The following PRH1 variants were observed in gnomAD, a reference collection of about 807,000 sequenced individuals.
PRH1 encodes the protein proline rich protein HaeIII subfamily 1, also known as salivary acidic proline-rich phosphoprotein 1/2.
In PRH1, 7 loss-of-function variants were observed where a neutral mutation model predicts 7.9. That is an observed-to-expected ratio of 0.89 (90% CI 0.50 to 1.67). The LOEUF is 1.67. Ranked by LOEUF, PRH1 falls within the 40% of genes most tolerant of loss-of-function variation. The pLI, the probability that PRH1 is intolerant of heterozygous loss-of-function variation, is 0.00. For synonymous variants in PRH1, 45 were observed against 80.8 expected (o/e 0.56, Z 2.38); for missense variants, 109 against 223.6 (o/e 0.49, Z 3.27).
chr12:10,881,429 A>T (rs1396317023), intron 3 of PRH1, among the ~76,000 whole-genome samples: 5 of 152,226 alleles, frequency 3.3e-5, no homozygotes, highest in African/African-American at 1.2e-4. Flanking sequence ...AGATTACGGA[A>T]CAACCAAACA....
intron 2 of PRH1, among the ~76,000 whole-genome samples, chr12:10,972,928 A>ATCCCCCCCCCCCCCCCCCCCCC (rs1555119295): frequency 1.0e-5 from 1 of 100,326 alleles, no homozygotes; most frequent in African/African-American, 3.8e-5. Context: ...AAGCACCACA[A>ATCCCCCCCCCCCCCCCCCCCCC]CCCACCCCCC....
intron 1 of PRH1, among the ~76,000 whole-genome samples, chr12:11,033,497 T>TGC (rs1376838918): frequency 6.6e-6 from 1 of 152,188 alleles, no homozygotes; most frequent in Non-Finnish European, 1.5e-5. Flanking sequence ...AAAAGAACTC[T>TGC]TAAACCAAGA....
chr12:11,018,685 C>T (rs375256968), intron 1 of PRH1, among the ~76,000 whole-genome samples: 2 of 89,516 alleles, frequency 2.2e-5, no homozygotes, highest in Admixed American at 2.1e-4. Context: ...AGAAAGTGAA[C>T]GTTTTATAAA....
At chr12:11,051,873 T>C (rs1943159910), upstream of PRH1, among the ~76,000 whole-genome samples, 1 of 151,476 alleles carries the variant, frequency 6.6e-6, no homozygotes, top group Admixed American at 6.6e-5. Context: ...ATTGTAATTA[T>C]TTATTCATCC....
At chr12:10,985,042 C>A (rs1939536361) in intron 1 of PRH1, among the ~76,000 whole-genome samples, 1 of 151,096 alleles carries the variant, frequency 6.6e-6, no homozygotes, top group Non-Finnish European at 1.5e-5. Flanking sequence ...TAGAGGAGAT[C>A]ATTGGCAATT....
At chr12:11,045,211 GCA>G (rs79084736) in intron 1 of PRH1, among the ~76,000 whole-genome samples, 33,692 of 151,452 alleles carry the variant, frequency 0.22, 3,733 homozygotes, top group Non-Finnish European at 0.24. Context: ...AGAAACAACT[GCA>G]ATGTTTGCAC....
At chr12:10,972,928 A>ACCCCCCCCCCCCCCCCCCCCCCCCCCC (rs199859766) in intron 2 of PRH1, among the ~76,000 whole-genome samples, 1 of 100,324 alleles carries the variant, frequency 1.0e-5, no homozygotes, top group Non-Finnish European at 2.1e-5. Flanking sequence ...AAGCACCACA[A>ACCCCCCCCCCCCCCCCCCCCCCCCCCC]CCCACCCCCC....
chr12:11,143,226 T>C (rs1288180520), intron 1 of PRH1, among the ~76,000 whole-genome samples: 1 of 152,224 alleles, frequency 6.6e-6, no homozygotes, highest in Non-Finnish European at 1.5e-5. Flanking sequence ...TGTAGAGTCT[T>C]CATTTGTTTA....
intron 1 of PRH1, among the ~76,000 whole-genome samples, chr12:11,169,086 G>A (rs2136480824): frequency 6.6e-6 from 1 of 152,310 alleles, no homozygotes; most frequent in African/African-American, 2.4e-5. Context: ...TCTGGAGCTG[G>A]CTAACCTGAT....
chr12:11,159,239 A>G (rs1947345130), intron 1 of PRH1: 1 of 151,930 alleles, frequency 6.6e-6, no homozygotes. Context: ...TTCACAACTC[A>G]CTAATGGCAT....
At chr12:10,954,171 T>A (rs1185947750) in intron 2 of PRH1, among the ~76,000 whole-genome samples, 2 of 151,938 alleles carry the variant, frequency 1.3e-5, no homozygotes, top group Non-Finnish European at 2.9e-5. Flanking sequence ...CTTAAGGCCA[T>A]AGACCAGTAT....
At chr12:11,138,838 A>G (rs543971469) in intron 1 of PRH1, among the ~76,000 whole-genome samples, 1 of 152,254 alleles carries the variant, frequency 6.6e-6, no homozygotes, top group Non-Finnish European at 1.5e-5. Context: ...CAGGAGTTCA[A>G]GACCAGCTTG....
intron 1 of PRH1, chr12:11,022,543 G>C: frequency 6.2e-7 from 1 of 1,611,876 alleles, no homozygotes; most frequent in Non-Finnish European, 8.5e-7. Flanking sequence ...TACCAGAATT[G>C]ATGAAATGAT....
intron 1 of PRH1, among the ~76,000 whole-genome samples, chr12:11,056,826 A>G (rs1019107671): frequency 1.3e-5 from 2 of 152,168 alleles, no homozygotes; most frequent in African/African-American, 4.8e-5. Context: ...TCGAGAAAAC[A>G]ACAACAAAAA....
chr12:11,131,457 A>G (rs1401039086), intron 1 of PRH1, among the ~76,000 whole-genome samples: 1 of 152,252 alleles, frequency 6.6e-6, no homozygotes, highest in East Asian at 1.9e-4. Flanking sequence ...GTATTACGTT[A>G]AAAACATTTT....
chr12:11,113,501 T>G (rs2136308288), intron 1 of PRH1, among the ~76,000 whole-genome samples: 1 of 152,306 alleles, frequency 6.6e-6, no homozygotes, highest in South Asian at 2.1e-4. Flanking sequence ...TTGGGCAAAC[T>G]GGCTAGCCTT....
intron 2 of PRH1, among the ~76,000 whole-genome samples, chr12:10,941,629 T>A (rs1950403231): frequency 6.6e-6 from 1 of 151,862 alleles, no homozygotes; most frequent in African/African-American, 2.4e-5. Context: ...ACTTCTTGTA[T>A]CATATTTTTG....
intron 2 of PRH1, chr12:10,938,676 G>A: frequency 1.2e-6 from 2 of 1,614,006 alleles, no homozygotes; most frequent in East Asian, 2.2e-5. Flanking sequence ...AATACAATAA[G>A]ACTGGAAAAT....
At chr12:11,127,500 A>G (rs1026348130) in intron 1 of PRH1, among the ~76,000 whole-genome samples, 1 of 152,294 alleles carries the variant, frequency 6.6e-6, no homozygotes, top group African/African-American at 2.4e-5. Flanking sequence ...TTTTCTACCA[A>G]AAGTGTCCAA....
Sources: allele counts gnomAD v4.1 joint callset (sites outside exome capture counted in the v4.1 genomes callset), GRCh38; gene constraint gnomAD v4.1.1; transcripts MANE v1.5; gene names NCBI Gene and HGNC (gene_info 2026-07-23, HGNC 2026-07-21).